Variants in LRTM1 observed in about 807,000 individuals in gnomAD.
LRTM1 encodes leucine-rich repeat and transmembrane domain-containing protein 1.
In LRTM1, 38 loss-of-function variants were observed where a neutral mutation model predicts 32.4. That is an observed-to-expected ratio of 1.17 (90% confidence interval 0.91 to 1.54). LRTM1 has a LOEUF of 1.54. LRTM1 is among the 40% of genes most tolerant of loss of function. The probability of loss-of-function intolerance (pLI) is 0.00; values close to 1 mark genes in which losing one functional copy is unlikely to be tolerated. For missense variants in LRTM1, 466 were observed against 415.4 expected, an observed-to-expected ratio of 1.12 and a Z score of -1.06; for synonymous variants, 186 against 169.9, an observed-to-expected ratio of 1.09 and a Z score of -0.74.
intron 1 of LRTM1, among the ~76,000 whole-genome samples, chr3:54,926,235 G>A (rs570126263): frequency 2.0e-5 from 3 of 152,070 alleles, no homozygotes; most frequent in Non-Finnish European, 4.4e-5. Flanking sequence ...ACCATTCTAA[G>A]TGCTTTATAA....
intron 1 of LRTM1, among the ~76,000 whole-genome samples, chr3:54,938,841 G>C (rs898928453): frequency 6.6e-6 from 1 of 152,188 alleles, no homozygotes; most frequent in East Asian, 1.9e-4. Flanking sequence ...AGAAAAGTCA[G>C]GGTTGAGTTT....
intron 1 of LRTM1, among the ~76,000 whole-genome samples, chr3:54,927,097 C>G (rs1235006145): frequency 6.6e-6 from 1 of 152,194 alleles, no homozygotes. Flanking sequence ...AAAGTGGAAG[C>G]TCTTGAAAGG....
chr3:54,964,583 G>C (rs769587900), intron 1 of LRTM1, among the ~76,000 whole-genome samples: 30 of 152,264 alleles, frequency 2.0e-4, no homozygotes, highest in Middle Eastern at 3.4e-3. Context: ...TTCCATTTAG[G>C]TTATGTGGGG....
intron 1 of LRTM1, among the ~76,000 whole-genome samples, chr3:54,958,024 T>G (rs189103517): frequency 1.3e-5 from 2 of 152,322 alleles, no homozygotes; most frequent in East Asian, 3.9e-4. Context: ...CCATCCACAT[T>G]GCATTCAACC....
At chr3:54,929,093 C>T (rs1242007748), upstream of LRTM1, among the ~76,000 whole-genome samples, 1 of 152,096 alleles carries the variant, frequency 6.6e-6, no homozygotes, top group Non-Finnish European at 1.5e-5. Flanking sequence ...ATAATTGAGC[C>T]ATTGGGTTTG....
chr3:54,959,517 C>A (rs1559645461), intron 1 of LRTM1, among the ~76,000 whole-genome samples: 1 of 151,626 alleles, frequency 6.6e-6, no homozygotes, highest in Admixed American at 6.6e-5. Context: ...TGTGGCTGTT[C>A]TATTATTATT....
intron 1 of LRTM1, among the ~76,000 whole-genome samples, chr3:54,945,509 C>G (rs1701590023): frequency 6.6e-6 from 1 of 152,156 alleles, no homozygotes; most frequent in Admixed American, 6.5e-5. Context: ...GGTGCCTATC[C>G]ATAGGAAATA....
intron 1 of LRTM1, among the ~76,000 whole-genome samples, chr3:54,942,147 C>G (rs1467607516): frequency 1.3e-5 from 2 of 152,200 alleles, no homozygotes; most frequent in African/African-American, 4.8e-5. Flanking sequence ...CATCCCAGAG[C>G]ATCTGCAGAA....
rs534556945 is a variant in LRTM1, at chr3:54,933,219, T to C, written c.-221-8004A>G. Among the ~76,000 whole-genome samples the C allele has an allele frequency of 2.0e-4, 31 of 152,322 alleles. No homozygotes were observed. In the East Asian group the frequency reaches 2.7e-3, roughly 13 times the overall value. On this transcript the variant is annotated intron_variant, in intron 1 of 2. Transcript: ENST00000493075. ...TTTAAAATGACAATCCCATTAATCATGTATTTAATGCTTACAATGGGGCAC... is the reference window on the plus strand; with the variant it reads ...TTTAAAATGACAATCCCATTAATCACGTATTTAATGCTTACAATGGGGCAC...
intron 1 of LRTM1, among the ~76,000 whole-genome samples, chr3:54,966,572 A>C (rs191572498): frequency 6.6e-6 from 1 of 152,266 alleles, no homozygotes; most frequent in Non-Finnish European, 1.5e-5. Context: ...TAATCCCAGC[A>C]CTTTGGGAGG....
chr3:54,952,198 T>C (rs1701775135), intron 1 of LRTM1, among the ~76,000 whole-genome samples: 1 of 152,232 alleles, frequency 6.6e-6, no homozygotes, highest in Non-Finnish European at 1.5e-5. Context: ...TCTATACTAT[T>C]TCTTCCCTCT....
intron 1 of LRTM1, among the ~76,000 whole-genome samples, chr3:54,951,641 G>C (rs1261195774): frequency 1.3e-5 from 2 of 151,488 alleles, no homozygotes; most frequent in Non-Finnish European, 2.9e-5. Flanking sequence ...GGCGTGCAGG[G>C]CTCCAGTCCC....
chr3:54,918,655 T>C lies in LRTM1; in HGVS notation c.842A>G (p.Asn281Ser), dbSNP rs780638154. ...CELKPKPRPA[N>S]LRHAIATVII... ...GACAGTGGCAATGGCATGACGCAGGTTGGCCGGCCTTGGCTTGGGTTTGAG... is the reference window on the plus strand; with the variant it reads ...GACAGTGGCAATGGCATGACGCAGGCTGGCCGGCCTTGGCTTGGGTTTGAG... The change falls in exon 3 of 3, where the codon AAC becomes AGC. Residue 281 changes from asparagine to serine, a missense_variant. By Grantham distance (46) the Asn-to-Ser change is conservative (BLOSUM62 1). Transcript: ENST00000273286. 1 of 1,614,150 alleles carries C rather than the reference T, an allele frequency of 6.2e-7. No individual in the cohort carries two copies. The highest frequency in any genetic ancestry group is 1.7e-5 in the Admixed American group (1 of 60,022).
intron 2 of LRTM1, among the ~76,000 whole-genome samples, chr3:54,921,460 A>T (rs968389060): frequency 6.6e-6 from 1 of 152,156 alleles, no homozygotes; most frequent in Non-Finnish European, 1.5e-5. Flanking sequence ...AATATTAATC[A>T]TACAATCTGT....
chr3:54,918,261 T>A lies in LRTM1; in HGVS notation c.*198A>T, dbSNP rs1700711773. 3 of 584,156 alleles carry A rather than the reference T, an allele frequency of 5.1e-6. No homozygotes were observed. Among genetic ancestry groups the A allele is most frequent in the Non-Finnish European group, 8.9e-6 (3 of 337,068 alleles). The allele number at this position is 584,156 out of a possible 1,614,324, so 36.2% of individuals were successfully genotyped here. A position where few individuals can be genotyped will look rare whatever the true frequency, so the allele number is the denominator to read the frequency against. Reference sequence around the variant, plus strand: ...GCACAAGTATCATCTTTATTTTACCTATAGTATTTTAAAAATCGCAACATA... The same window carrying A: ...GCACAAGTATCATCTTTATTTTACCAATAGTATTTTAAAAATCGCAACATA... On this transcript the variant is annotated 3_prime_UTR_variant, in exon 3 of 3. Coordinates refer to ENST00000273286, the MANE Select transcript of LRTM1 (RefSeq NM_020678.4).
chr3:54,948,474 T>C (rs1190123644), intron 1 of LRTM1, among the ~76,000 whole-genome samples: 2 of 152,240 alleles, frequency 1.3e-5, no homozygotes, highest in Non-Finnish European at 2.9e-5. Context: ...CAATGGCCTA[T>C]GTACATTCAA....
chr3:54,945,662 G>T (rs886359741), intron 1 of LRTM1, among the ~76,000 whole-genome samples: 1 of 152,188 alleles, frequency 6.6e-6, no homozygotes, highest in Non-Finnish European at 1.5e-5. Flanking sequence ...ATCCAGTGCA[G>T]TCAGTCCCCA....
Position 54,925,433 on chromosome 3 carries a change from C to T in LRTM1, c.8-218G>A, listed in dbSNP as rs116234922. ...CTTCTGCAGTCTTTGTGCCACCTAT[C>T]GTCTGAAGCCTTGAGAAAGATACTC... On this transcript the variant is annotated intron_variant, in intron 1 of 2. Coordinates refer to ENST00000273286, the MANE Select transcript of LRTM1 (RefSeq NM_020678.4). Among the ~76,000 whole-genome samples the T allele has an allele frequency of 2.8e-3, 427 of 152,212 alleles. 2 individuals carry two copies. The highest frequency in any genetic ancestry group is 9.9e-3 in the African/African-American group (409 of 41,516).
upstream of LRTM1, among the ~76,000 whole-genome samples, chr3:54,931,158 A>G (rs939835015): frequency 6.6e-6 from 1 of 152,180 alleles, no homozygotes; most frequent in Admixed American, 6.5e-5. Flanking sequence ...GACTTCAAAG[A>G]GTCTGAGCTG....
Sources: gnomAD v4.1 joint callset for allele counts (sites outside exome capture counted in the v4.1 genomes callset) on GRCh38, gnomAD v4.1.1 for gene constraint, MANE v1.5 for transcripts, NCBI Gene and HGNC (gene_info 2026-07-23, HGNC 2026-07-21) for gene names.